Variants in BICDL2 observed in about 807,000 individuals in gnomAD.
BICDL2 encodes BICD family like cargo adaptor 2.
Under a neutral mutation model 56.6 loss-of-function variants are expected in BICDL2, and 62 were observed. The ratio of observed to expected loss-of-function variants is 1.10; its 90% confidence interval spans 0.89 to 1.35. The LOEUF (loss-of-function observed/expected upper bound fraction) is 1.35. Among genes scored for constraint, BICDL2 ranks in the 40% most tolerant of loss-of-function variants. BICDL2 has a pLI of 0.00. For synonymous variants in BICDL2, 358 were observed against 319.8 expected, an observed-to-expected ratio of 1.12 and a Z score of -1.27; for missense variants, 808 against 684.5, an observed-to-expected ratio of 1.18 and a Z score of -2.01.
At chr16:3,036,650 G>C (rs746201718) in intron 1 of BICDL2, 2 of 446,086 alleles carry the variant, frequency 4.5e-6, no homozygotes, top group East Asian at 1.4e-4. Flanking sequence ...CCTGGAGACC[G>C]CTCCCCCTCC....
In BICDL2 at chr16:3,028,251, C is replaced by A; in HGVS notation, c.1382G>T (p.Gly461Val). Residue 461 changes from glycine (G) to valine (V), a missense_variant, in exon 10 of 10, where the codon GGG (glycine) becomes GTG (valine). Physicochemically the swap from Gly to Val is moderately radical, Grantham distance 109. Transcript: ENST00000572449. ...AWQDDMQVVI[G>V]QQLRSQRQKE... Reference sequence around the variant, plus strand: ...CTGGCGCTGTGAGCGCAGCTGCTGCCCGATCACCACCTGCATGTCGTCCTG... The same window carrying A: ...CTGGCGCTGTGAGCGCAGCTGCTGCACGATCACCACCTGCATGTCGTCCTG... 6.8e-7 allele frequency: 1 copy of A among 1,476,704 alleles called. No homozygotes were observed. Among genetic ancestry groups the A allele is most frequent in the South Asian group, 1.4e-5 (1 of 72,424 alleles). 91.5% of individuals were successfully genotyped at this position (1,476,704 alleles called of 1,614,324 possible).
In BICDL2 at chr16:3,035,398, C is replaced by T; in HGVS notation, c.99G>A (p.Arg33=). The T allele has an allele frequency of 6.2e-7, 1 of 1,612,050 alleles. No homozygotes were observed. Among genetic ancestry groups the T allele is most frequent in the Non-Finnish European group, 8.5e-7 (1 of 1,179,618 alleles). ...GGCCCCCTCCCAGGAATGAGTCCCG[C>T]CGCTCCAGCACAAAGGGGAAGAAGC... ...DEGFFPFVLE[R]RDSFLGGGPG... Residue 33 remains arginine, a synonymous_variant, in exon 2 of 10, where the codon CGG becomes CGA. Coordinates refer to ENST00000572449, the MANE Select transcript of BICDL2 (RefSeq NM_001369667.1).
At chr16:3,033,266 C>G (rs553447572) in intron 2 of BICDL2, among the ~76,000 whole-genome samples, 37 of 152,250 alleles carry the variant, frequency 2.4e-4, no homozygotes, top group African/African-American at 7.7e-4. Flanking sequence ...GATCGCACCA[C>G]TGCACTCCAG....
At chr16:3,034,406 T>A (rs1955699042) in intron 2 of BICDL2, among the ~76,000 whole-genome samples, 1 of 152,120 alleles carries the variant, frequency 6.6e-6, no homozygotes, top group Non-Finnish European at 1.5e-5. Context: ...AGTCTCCCAA[T>A]TAGCTGGGAC....
intron 9 of BICDL2, 26 bp from the exon 10 acceptor site, chr16:3,028,299 C>A (rs1015074958): frequency 6.6e-7 from 1 of 1,524,468 alleles, no homozygotes. Context: ...GTCGGCTCAG[C>A]GCCGGTCCCG....
At chr16:3,031,591 C>A in intron 2 of BICDL2, 2 of 411,972 alleles carry the variant, frequency 4.9e-6, no homozygotes, top group Non-Finnish European at 8.6e-6. Flanking sequence ...CTCTAATTAA[C>A]CCTGGTCAGC....
chr16:3,032,840 T>C (rs1407677508), intron 2 of BICDL2: 2 of 152,062 alleles, frequency 1.3e-5, no homozygotes, highest in Non-Finnish European at 2.9e-5. Context: ...GGTGCTGCTG[T>C]GATGAGGTCG....
In BICDL2 at chr16:3,035,396, C is replaced by A; in HGVS notation, c.101G>T (p.Arg34Leu). Residue 34 changes from arginine to leucine, a missense_variant, in exon 2 of 10, where the codon CGG (arginine) becomes CTG (leucine). By Grantham distance (102) the Arg-to-Leu change is moderately radical. Coordinates refer to ENST00000572449, the MANE Select transcript of BICDL2 (RefSeq NM_001369667.1). ...EGFFPFVLER[R>L]DSFLGGGPGP... ...TGGGCCCCCTCCCAGGAATGAGTCC[C>A]GCCGCTCCAGCACAAAGGGGAAGAA... 1 of 1,611,654 alleles carries A rather than the reference C, an allele frequency of 6.2e-7. No homozygotes were observed. The highest frequency in any genetic ancestry group is 2.2e-5 in the East Asian group (1 of 44,824).
intron 2 of BICDL2, among the ~76,000 whole-genome samples, chr16:3,033,446 G>T (rs1215673168): frequency 6.6e-6 from 1 of 152,102 alleles, no homozygotes; most frequent in Non-Finnish European, 1.5e-5. Flanking sequence ...GAGTTTAGAA[G>T]AATCAAAAGG....
At chr16:3,035,858 T>G in intron 1 of BICDL2, 2 of 325,676 alleles carry the variant, frequency 6.1e-6, no homozygotes, top group Non-Finnish European at 1.2e-5. Flanking sequence ...GTTTGGCTTG[T>G]AGCCCCTCGC....
chr16:3,036,649 C>T (rs1035771878), intron 1 of BICDL2: 61 of 450,122 alleles, frequency 1.4e-4, no homozygotes, highest in Non-Finnish European at 2.4e-4. Context: ...ACCTGGAGAC[C>T]GCTCCCCCTC....
At chr16:3,036,155 C>A in intron 1 of BICDL2, 1 of 416,934 alleles carries the variant, frequency 2.4e-6, no homozygotes, top group Non-Finnish European at 4.7e-6. Context: ...CACCCCAGTC[C>A]CCATTTTCCA....
At chr16:3,031,182 G>C in intron 2 of BICDL2, 32 bp from the exon 3 acceptor site, 1 of 1,520,674 alleles carries the variant, frequency 6.6e-7, no homozygotes, top group Non-Finnish European at 8.8e-7. Context: ...GACAGAGGCA[G>C]AGAGGCACCG....
chr16:3,031,239 C>G, intron 2 of BICDL2, 89 bp from the exon 3 acceptor site: 1 of 1,191,428 alleles, frequency 8.4e-7, no homozygotes, highest in Non-Finnish European at 1.2e-6. Flanking sequence ...GGACAGACAC[C>G]TAGGGAGAAA....
At chr16:3,031,403 C>A in intron 2 of BICDL2, 1 of 560,702 alleles carries the variant, frequency 1.8e-6, no homozygotes, top group South Asian at 2.5e-5. Context: ...CTCTGATGAC[C>A]ACTCACCTCC....
In BICDL2 at chr16:3,028,063, G is replaced by A. The variant is rs1001777650; in HGVS notation, c.*43C>T. On this transcript the variant is annotated 3_prime_UTR_variant, in exon 10 of 10. Coordinates refer to ENST00000572449, the MANE Select transcript of BICDL2 (RefSeq NM_001369667.1). ...TCGCTCCATTGGCCTGAAGAGGAAA[G>A]TGAGCCCCTAAGTGGGCAAGGGCAG... is the stretch of plus-strand genomic sequence containing the variant. 1 of 1,396,036 alleles carries A rather than the reference G, an allele frequency of 7.2e-7. No individual in the cohort carries two copies. The highest frequency in any genetic ancestry group is 9.3e-7 in the Non-Finnish European group (1 of 1,076,622). The allele number at this position is 1,396,036 out of a possible 1,614,324, so 86.5% of individuals were successfully genotyped here.
Position 3,029,234 on chromosome 16 carries a change from G to T in BICDL2, c.1107+46C>A, listed in dbSNP as rs1026103453. 2.5e-6 allele frequency: 4 copies of T among 1,588,624 alleles called. No homozygotes were observed. The African/African-American group carries it at 5.4e-5, about 21-fold the overall frequency. On this transcript the variant is annotated intron_variant, in intron 7 of 9. Transcript: ENST00000572449. ...GAGGTGGACATGGGAGACAGAAACTGACAGCTGGAGGGGCCGTGCATCCAG... is the reference window on the plus strand; with the variant it reads ...GAGGTGGACATGGGAGACAGAAACTTACAGCTGGAGGGGCCGTGCATCCAG...
chr16:3,035,176 T>TTGGCCCGGGGGGGGGGGGGGGGGGGGG, intron 2 of BICDL2, 39 bp downstream of exon 2: 21 of 136,270 alleles, frequency 1.5e-4, no homozygotes, highest in East Asian at 2.8e-4. Flanking sequence ...CGTCCTCCCC[T>TTGGCCCGGGGGGGGGGGGGGGGGGGGG]GCCCACCCAC....
chr16:3,035,176 T>TCCTCCCCTCCCCCCCCCCCCC, intron 2 of BICDL2, 39 bp downstream of exon 2: 1 of 136,274 alleles, frequency 7.3e-6, no homozygotes, highest in Non-Finnish European at 1.4e-5. Flanking sequence ...CGTCCTCCCC[T>TCCTCCCCTCCCCCCCCCCCCC]GCCCACCCAC....
Sources: gnomAD v4.1 joint callset for allele counts (sites outside exome capture counted in the v4.1 genomes callset) on GRCh38, gnomAD v4.1.1 for gene constraint, MANE v1.5 for transcripts, NCBI Gene and HGNC (gene_info 2026-07-23, HGNC 2026-07-21) for gene names.